The following AUTS2 variants were observed in gnomAD, a reference collection of about 807,000 sequenced individuals.
AUTS2 encodes the protein activator of transcription and developmental regulator AUTS2.
In AUTS2, 17 loss-of-function variants were observed where a neutral mutation model predicts 112.4. The ratio of observed to expected loss-of-function variants is 0.15; its 90% confidence interval spans 0.10 to 0.23. The LOEUF (loss-of-function observed/expected upper bound fraction) is 0.23, where lower values mean the gene tolerates loss of function less well. AUTS2 is among the 10% of genes least tolerant of loss of function. The pLI, the probability that AUTS2 is intolerant of heterozygous loss-of-function variation, is 1.00. For missense variants in AUTS2, 1,510 were observed against 1,701.6 expected (o/e 0.89, Z 1.98); for synonymous variants, 751 against 702.7 (o/e 1.07, Z -1.09).
chr7:69,798,596 T>C (rs1243999911), intron 1 of AUTS2, among the ~76,000 whole-genome samples: 1 of 152,150 alleles, frequency 6.6e-6, no homozygotes, highest in Non-Finnish European at 1.5e-5. Context: ...TTATAAAATA[T>C]ATGTAAGTTA....
intron 5 of AUTS2, among the ~76,000 whole-genome samples, chr7:70,493,823 C>T (rs988759734): frequency 1.2e-4 from 18 of 152,044 alleles, no homozygotes; most frequent in Admixed American, 6.6e-4. Context: ...TATTTTATAT[C>T]TTACTATAAT....
At chr7:70,128,377 A>G (rs546528886) in intron 3 of AUTS2, among the ~76,000 whole-genome samples, 32 of 152,090 alleles carry the variant, frequency 2.1e-4, no homozygotes, top group African/African-American at 7.0e-4. Context: ...AATAGCTACA[A>G]TTTTTTCTAA....
intron 1 of AUTS2, among the ~76,000 whole-genome samples, chr7:69,855,786 AG>A (rs1792694031): frequency 6.6e-6 from 1 of 152,202 alleles, no homozygotes; most frequent in Admixed American, 6.5e-5. Flanking sequence ...AGAACAAACA[AG>A]GGGCTAAGAA....
chr7:70,391,387 T>G (rs1408756830), intron 4 of AUTS2, among the ~76,000 whole-genome samples: 1 of 152,206 alleles, frequency 6.6e-6, no homozygotes, highest in African/African-American at 2.4e-5. Flanking sequence ...GAATGAATAT[T>G]TCAAGGTATT....
intron 2 of AUTS2, among the ~76,000 whole-genome samples, chr7:70,005,545 A>C (rs1799508776): frequency 6.6e-6 from 1 of 152,160 alleles, no homozygotes; most frequent in Non-Finnish European, 1.5e-5. Context: ...AGGAATTACC[A>C]TCTAGGGGGC....
At chr7:70,698,867 G>A (rs190928998) in intron 6 of AUTS2, 1 of 358,306 alleles carries the variant, frequency 2.8e-6, no homozygotes. Flanking sequence ...CTACTACTAT[G>A]TGACTTTAAT....
At chr7:69,716,827 GA>G (rs1453495712) in intron 1 of AUTS2, among the ~76,000 whole-genome samples, 3 of 152,082 alleles carry the variant, frequency 2.0e-5, no homozygotes, top group African/African-American at 7.2e-5. Context: ...ACCCGGGGGG[GA>G]AAAATTTGCT....
At chr7:69,948,777 T>C (rs549212411) in intron 2 of AUTS2, among the ~76,000 whole-genome samples, 103 of 79,970 alleles carry the variant, frequency 1.3e-3, no homozygotes, top group Admixed American at 4.8e-3. Context: ...TTCTTTCATT[T>C]ATTTATTTAT....
intron 1 of AUTS2, among the ~76,000 whole-genome samples, chr7:69,761,759 G>T (rs1196700656): frequency 6.6e-6 from 1 of 152,152 alleles, no homozygotes; most frequent in East Asian, 1.9e-4. Context: ...TGGAATGAAG[G>T]CTAGGAGTTG....
chr7:69,659,769 C>T (rs1277707389), intron 1 of AUTS2, among the ~76,000 whole-genome samples: 3 of 151,882 alleles, frequency 2.0e-5, no homozygotes, highest in Admixed American at 1.3e-4. Context: ...GAGATTTCAT[C>T]GTTTGGTGCA....
At chr7:69,956,534 T>TC (rs2129546503) in intron 2 of AUTS2, among the ~76,000 whole-genome samples, 1 of 152,108 alleles carries the variant, frequency 6.6e-6, no homozygotes, top group East Asian at 1.9e-4. Context: ...ATGTGCTCTC[T>TC]CCCCTCAACC....
intron 6 of AUTS2, among the ~76,000 whole-genome samples, chr7:70,739,344 C>CTT (rs1185801587): frequency 2.4e-4 from 33 of 135,070 alleles, no homozygotes; most frequent in East Asian, 4.2e-4. Flanking sequence ...CCTTTTTTTC[C>CTT]TTTTTTTTTT....
At chr7:69,618,606 G>C (rs995186520) in intron 1 of AUTS2, among the ~76,000 whole-genome samples, 1 of 152,076 alleles carries the variant, frequency 6.6e-6, no homozygotes, top group South Asian at 2.1e-4. Context: ...CATCTTTTTA[G>C]TACTGGTGCT....
Position 69,915,267 on chromosome 7 carries a change from T to G in AUTS2, c.522+15769T>G, listed in dbSNP as rs150457614. ...TTTTTGTTGACCTCCCTTCTGTCCT[T>G]TTAAGAAACTTTTGAGAAAAATGCA... On this transcript the variant is annotated intron_variant, in intron 2 of 18. Transcript: ENST00000342771. Among the ~76,000 whole-genome samples, 231 of 152,344 alleles carry G rather than the reference T, an allele frequency of 1.5e-3. 1 individual carries two copies. The highest frequency in any genetic ancestry group is 4.7e-3 in the African/African-American group (194 of 41,580).
At chr7:70,205,886 C>T (rs192648593) in intron 4 of AUTS2, among the ~76,000 whole-genome samples, 10 of 152,260 alleles carry the variant, frequency 6.6e-5, no homozygotes, top group African/African-American at 1.7e-4. Context: ...ACTTGGTTCC[C>T]GTGGCTTTAT....
intron 1 of AUTS2, among the ~76,000 whole-genome samples, chr7:69,696,044 C>T (rs1797547270): frequency 6.6e-6 from 1 of 152,184 alleles, no homozygotes; most frequent in Non-Finnish European, 1.5e-5. Context: ...CCTTTAATAT[C>T]TGAATATATT....
intron 5 of AUTS2, among the ~76,000 whole-genome samples, chr7:70,573,382 C>T (rs910165445): frequency 2.0e-5 from 3 of 152,194 alleles, no homozygotes; most frequent in African/African-American, 7.2e-5. Flanking sequence ...AGAAAGGCAC[C>T]ACGCTGTTTT....
chr7:69,976,280 T>C (rs1304685256), intron 2 of AUTS2, among the ~76,000 whole-genome samples: 1 of 152,226 alleles, frequency 6.6e-6, no homozygotes, highest in Non-Finnish European at 1.5e-5. Flanking sequence ...CTGGCTTATT[T>C]CACTTCATAA....
chr7:70,000,740 T>C (rs758828299), intron 2 of AUTS2, among the ~76,000 whole-genome samples: 1 of 152,220 alleles, frequency 6.6e-6, no homozygotes. Context: ...GAGTCCCATC[T>C]GCCCCATATC....
Sources: allele counts gnomAD v4.1 joint callset (sites outside exome capture counted in the v4.1 genomes callset), GRCh38; gene constraint gnomAD v4.1.1; transcripts MANE v1.5; gene names NCBI Gene and HGNC (gene_info 2026-07-23, HGNC 2026-07-21).